TECTA: variants seen among roughly 807,000 people sequenced by gnomAD.
The protein encoded by TECTA is alpha-tectorin.
In TECTA, 128 loss-of-function variants were observed where a neutral mutation model predicts 216.8. That is an observed-to-expected ratio of 0.59 (90% CI 0.51 to 0.68). The LOEUF (loss-of-function observed/expected upper bound fraction) is 0.68. Ranked by LOEUF, TECTA falls within the 30% of genes least tolerant of loss-of-function variation. The probability of loss-of-function intolerance (pLI) is 0.00; values close to 1 mark genes in which losing one functional copy is unlikely to be tolerated. For missense variants in TECTA, 2,551 were observed against 2,786.2 expected (o/e 0.92, Z 1.90); for synonymous variants, 1,089 against 1,117.1 (o/e 0.97, Z 0.50).
Position 121,129,712 on chromosome 11 carries a change from T to C in TECTA, c.2442T>C (p.Ser814=), listed in dbSNP as rs143919294. 6.2e-7 allele frequency: 1 copy of C among 1,614,224 alleles called. No individual in the cohort carries two copies. Among genetic ancestry groups the C allele is most frequent in the Non-Finnish European group, 8.5e-7 (1 of 1,180,034 alleles). The change falls in exon 10 of 24, where the codon AGT becomes AGC. Residue 814 remains serine (S), a synonymous_variant. Coordinates refer to ENST00000392793, the MANE Select transcript of TECTA (RefSeq NM_005422.4). ...GKLEIYRNKN[S]TTVESKGVVT... ...TGGAAATTTATCGAAACAAAAACAG[T>C]ACGACAGTGGAGTCCAAGGGCGTGG...
chr11:121,112,138 A>G (rs1415502117), intron 4 of TECTA, among the ~76,000 whole-genome samples: 12 of 152,226 alleles, frequency 7.9e-5, no homozygotes, highest in Admixed American at 7.2e-4. Flanking sequence ...TTTTGAAAAC[A>G]TGTGACAAGG....
rs751022030 is a variant in TECTA, at chr11:121,152,874, G to T, written c.4106-7G>T. On this transcript the variant is annotated splice_polypyrimidine_tract_variant and splice_region_variant and intron_variant, in intron 12 of 23. Transcript: ENST00000392793. ...GTGCGAGTCTTGACTTGTCTCTCTTGTTCCAGCTGTCACCTGCCCTCCAAA... is the reference window on the plus strand; with the variant it reads ...GTGCGAGTCTTGACTTGTCTCTCTTTTTCCAGCTGTCACCTGCCCTCCAAA... 12 of 1,596,786 alleles carry T rather than the reference G, an allele frequency of 7.5e-6. No homozygotes were observed. The highest frequency in any genetic ancestry group is 1.7e-5 in the Admixed American group (1 of 59,696).
In TECTA at chr11:121,129,995, C is replaced by A; in HGVS notation, c.2725C>A (p.Arg909Ser). 1 of 1,606,036 alleles carries A rather than the reference C, an allele frequency of 6.2e-7. No homozygotes were observed. Among genetic ancestry groups the A allele is most frequent in the Non-Finnish European group, 8.5e-7 (1 of 1,174,770 alleles). Residue 909 changes from arginine to serine, a missense_variant, in exon 10 of 24, where the codon CGC becomes AGC. Coordinates refer to ENST00000392793, the MANE Select transcript of TECTA (RefSeq NM_005422.4). ...GGAGCTGCTCAAGTTTTATCGAAGC[C>A]GCTCCAGGTGCGGCATCATCAACGA... ...DSELLKFYRS[R>S]SRCGIINDPS...
intron 20 of TECTA, among the ~76,000 whole-genome samples, chr11:121,177,677 C>T (rs1042030498): frequency 6.6e-5 from 10 of 152,192 alleles, no homozygotes; most frequent in Admixed American, 1.3e-4. Flanking sequence ...TCTCCAGCTG[C>T]GTGCTGGGAG....
Position 121,160,428 on chromosome 11 carries a change from G to A in TECTA, c.4976+7G>A. 1 of 1,607,582 alleles carries A rather than the reference G, an allele frequency of 6.2e-7. No individual in the cohort carries two copies. On this transcript the variant is annotated splice_region_variant and intron_variant, in intron 15 of 23. Transcript: ENST00000392793. ...CCAATGGCATGCAGAAGAGGTGAGGGTGTAGGAGTTCAAGCCACTAGACTT... is the reference window on the plus strand; with the variant it reads ...CCAATGGCATGCAGAAGAGGTGAGGATGTAGGAGTTCAAGCCACTAGACTT...
At chr11:121,141,174 A>T (rs1393508011) in intron 11 of TECTA, among the ~76,000 whole-genome samples, 1 of 152,216 alleles carries the variant, frequency 6.6e-6, no homozygotes, top group Admixed American at 6.5e-5. Context: ...ACTTCGGATT[A>T]TTAAAATGCA....
chr11:121,109,241 G>T lies in TECTA; in HGVS notation c.229G>T (p.Val77Leu), dbSNP rs1045493065. The T allele has an allele frequency of 8.1e-6, 13 of 1,614,034 alleles. No homozygotes were observed. Among genetic ancestry groups the T allele is most frequent in the Non-Finnish European group, 1.1e-5 (13 of 1,180,014 alleles). Residue 77 changes from valine (V) to leucine (L), a missense_variant, in exon 4 of 24, where the codon GTG (valine) becomes TTG (leucine). Val to Leu is a conservative substitution (Grantham distance 32). Coordinates refer to ENST00000392793, the MANE Select transcript of TECTA (RefSeq NM_005422.4). The part of the protein sequence containing the change: ...VNNNGVVSFN[V>L]LVSQFTPESF... ...TAACAACGGAGTTGTTTCCTTCAAT[G>T]TGCTAGTGAGCCAGTTCACGCCAGA...
chr11:121,126,917 A>G (rs1251774307), intron 8 of TECTA, among the ~76,000 whole-genome samples: 1 of 152,192 alleles, frequency 6.6e-6, no homozygotes, highest in Non-Finnish European at 1.5e-5. Context: ...AAAATGTTAC[A>G]ATGGCCACAG....
chr11:121,142,911 T>C (rs979266512), intron 11 of TECTA, among the ~76,000 whole-genome samples: 2 of 152,106 alleles, frequency 1.3e-5, no homozygotes, highest in African/African-American at 4.8e-5. Context: ...ACAGGGTCCT[T>C]CTCTTCAACT....
At position 121,105,919 on chromosome 11, in the gene TECTA, GGCC is replaced by G. The variant is rs753424297; in HGVS notation, c.154_156del (p.Ala52del). On this transcript the variant is annotated inframe_deletion, in exon 3 of 24. Transcript: ENST00000392793. The surrounding 1 kb of genome is among the most constrained non-coding windows in gnomAD (Gnocchi z 5.3). Reference sequence around the variant, plus strand: ...ATGGAAGCTCATCTGAGATTAAGTTGGCCATCCCAGTTTTCTTCTTTGGCGTTC... The same window carrying G: ...ATGGAAGCTCATCTGAGATTAAGTTGATCCCAGTTTTCTTCTTTGGCGTTC... 6.2e-7 allele frequency: 1 copy of G among 1,614,164 alleles called. No homozygotes were observed. Among genetic ancestry groups the G allele is most frequent in the South Asian group, 1.1e-5 (1 of 91,080 alleles).
At chr11:121,103,733 T>A (rs1591433903) in intron 2 of TECTA, among the ~76,000 whole-genome samples, 1 of 152,156 alleles carries the variant, frequency 6.6e-6, no homozygotes, top group Non-Finnish European at 1.5e-5. Context: ...AAAATAATAA[T>A]GGCTTCTGCA....
chr11:121,130,254 A>T, intron 10 of TECTA, 43 bp downstream of exon 10: 1 of 1,592,404 alleles, frequency 6.3e-7, no homozygotes, highest in Non-Finnish European at 8.5e-7. Context: ...CTAGCTGGGA[A>T]ATAGGTGCCA....
At chr11:121,131,689 T>C (rs1174539512) in intron 10 of TECTA, among the ~76,000 whole-genome samples, 1 of 152,266 alleles carries the variant, frequency 6.6e-6, no homozygotes, top group Non-Finnish European at 1.5e-5. Context: ...CTTATTATGA[T>C]GTCTCTGTAG....
intron 20 of TECTA, among the ~76,000 whole-genome samples, chr11:121,182,736 G>A (rs1195423719): frequency 6.6e-6 from 1 of 152,210 alleles, no homozygotes; most frequent in Admixed American, 6.5e-5. Context: ...GGTTGCCAGT[G>A]GTGGTGGCAA....
rs1397870700 is a variant in TECTA at position 121,168,218 on chromosome 11, G to T, written c.5750+1G>T. ...ATTCTGTTGTGAAGCCTATGCTAAGGTAAGGTGTCTCCTGGGCTGTGCACA... is the reference window on the plus strand; with the variant it reads ...ATTCTGTTGTGAAGCCTATGCTAAGTTAAGGTGTCTCCTGGGCTGTGCACA... On this transcript the variant is annotated splice_donor_variant, in intron 19 of 23. Transcript: ENST00000392793. LOFTEE classifies it high-confidence loss of function. 6.2e-7 allele frequency: 1 copy of T among 1,614,044 alleles called. No individual in the cohort carries two copies. Among genetic ancestry groups the T allele is most frequent in the East Asian group, 2.2e-5 (1 of 44,892 alleles).
At chr11:121,103,582 GA>G (rs950083221) in intron 2 of TECTA, among the ~76,000 whole-genome samples, 24 of 148,764 alleles carry the variant, frequency 1.6e-4, no homozygotes, top group East Asian at 3.9e-4. Flanking sequence ...TATTTGGTGG[GA>G]AAAAAAAAAT....
At chr11:121,180,767 A>T (rs1043245672) in intron 20 of TECTA, among the ~76,000 whole-genome samples, 1 of 141,190 alleles carries the variant, frequency 7.1e-6, no homozygotes, top group Non-Finnish European at 1.6e-5. Flanking sequence ...TGGTCACTTT[A>T]TGATGTCTTA....
Position 121,172,337 on chromosome 11 carries a change from G to A in TECTA, c.5999+3412G>A, listed in dbSNP as rs981380826. Reference sequence around the variant, plus strand: ...GTATCTCCTAAAGCTATCCCTCCCCGCTCTCCCCACCCCACAACAGTCCCC... The same window carrying A: ...GTATCTCCTAAAGCTATCCCTCCCCACTCTCCCCACCCCACAACAGTCCCC... On this transcript the variant is annotated intron_variant, in intron 20 of 23. Coordinates refer to ENST00000392793, the MANE Select transcript of TECTA (RefSeq NM_005422.4). Among the ~76,000 whole-genome samples the A allele has an allele frequency of 1.1e-4, 17 of 151,272 alleles. No individual in the cohort carries two copies. In the East Asian group the frequency reaches 1.2e-3, roughly 10 times the overall value.
chr11:121,121,409 G>A (rs996704635), intron 7 of TECTA, among the ~76,000 whole-genome samples: 1 of 152,196 alleles, frequency 6.6e-6, no homozygotes, highest in Non-Finnish European at 1.5e-5. Flanking sequence ...AAGCAAACAG[G>A]CGAGGCTTAT....
Sources: allele counts gnomAD v4.1 joint callset (sites outside exome capture counted in the v4.1 genomes callset), GRCh38; gene constraint gnomAD v4.1.1; non-coding constraint Gnocchi (gnomAD v3.1); transcripts MANE v1.5; gene names NCBI Gene and HGNC (gene_info 2026-07-23, HGNC 2026-07-21).